Variants in RBFOX1 observed in about 807,000 individuals in gnomAD.
The protein encoded by RBFOX1 is RNA binding protein fox-1 homolog 1.
RBFOX1 carries 8 observed loss-of-function variants against 57.7 expected under a neutral mutation model. The observed-to-expected ratio is 0.14, with a 90% CI of 0.08 to 0.25. RBFOX1 has a LOEUF of 0.25. RBFOX1 is among the 10% of genes least tolerant of loss of function. RBFOX1 has a pLI of 1.00. For missense variants in RBFOX1, 611 were observed against 548.5 expected (o/e 1.11, Z -1.14); for synonymous variants, 326 against 222.4 (o/e 1.47, Z -4.15).
rs1411143068 is a variant in RBFOX1, at chr16:5,749,447, A to T, written c.319-117856A>T. 2.8e-3 allele frequency among the ~76,000 whole-genome samples: 425 copies of T among 152,276 alleles called. 1 individual carries two copies. The highest frequency in any genetic ancestry group is 1.0e-2 in the South Asian group (48 of 4,816). On this transcript the variant is annotated intron_variant, in intron 3 of 19. Coordinates refer to the RBFOX1 transcript ENST00000641259. ...GGTTGGGGAAGTTCTCCTGGATAAT[A>T]TCCTGCAGAGTGTTTTCCAACTTGG...
At chr16:7,628,498 C>G (rs1337053052) in intron 10 of RBFOX1, among the ~76,000 whole-genome samples, 1 of 152,130 alleles carries the variant, frequency 6.6e-6, no homozygotes, top group African/African-American at 2.4e-5. Flanking sequence ...GGTTTCATAT[C>G]CCAATCTCCA....
At chr16:5,436,401 C>T (rs2067919088) in intron 1 of RBFOX1, among the ~76,000 whole-genome samples, 1 of 152,218 alleles carries the variant, frequency 6.6e-6, no homozygotes, top group African/African-American at 2.4e-5. Context: ...GAGTGATTTA[C>T]ACTCATACAA....
At chr16:7,034,012 A>G (rs576319996) in intron 3 of RBFOX1, among the ~76,000 whole-genome samples, 11 of 152,310 alleles carry the variant, frequency 7.2e-5, no homozygotes, top group African/African-American at 2.6e-4. Flanking sequence ...TTCAATACTT[A>G]GTGAATACTT....
chr16:5,331,994 C>G (rs564060723), intron 1 of RBFOX1, among the ~76,000 whole-genome samples: 2 of 152,332 alleles, frequency 1.3e-5, no homozygotes, highest in East Asian at 1.9e-4. Flanking sequence ...GGACCTATTT[C>G]TAGCCTCTGA....
chr16:6,333,297 A>G (rs1296101605), intron 2 of RBFOX1, among the ~76,000 whole-genome samples: 1 of 152,172 alleles, frequency 6.6e-6, no homozygotes, highest in Non-Finnish European at 1.5e-5. Flanking sequence ...CACATGCCTC[A>G]GCACCCCAAA....
At chr16:7,022,422 A>T (rs1026078474) in intron 3 of RBFOX1, among the ~76,000 whole-genome samples, 1 of 151,982 alleles carries the variant, frequency 6.6e-6, no homozygotes, top group Non-Finnish European at 1.5e-5. Context: ...AACCCAGAGC[A>T]TATCTTCATG....
Position 6,562,053 on chromosome 16 carries a change from A to G in RBFOX1, c.-63-92550A>G, listed in dbSNP as rs1308306389. The stretch of plus-strand genomic sequence containing the variant: ...TAAGGCATGGAGTTTTCAGCGGGAT[A>G]TTACTCATTTCCATCATTACTGATG... On this transcript the variant is annotated intron_variant, in intron 2 of 15. Transcript: ENST00000550418. Among the ~76,000 whole-genome samples, 3 of 152,166 alleles carry G rather than the reference A, an allele frequency of 2.0e-5. No individual in the cohort carries two copies. In the South Asian group the frequency reaches 6.2e-4, roughly 32 times the overall value.
intron 4 of RBFOX1, among the ~76,000 whole-genome samples, chr16:5,954,012 C>G (rs2059573603): frequency 6.6e-6 from 1 of 152,154 alleles, no homozygotes; most frequent in African/African-American, 2.4e-5. Flanking sequence ...CTTGTCACCA[C>G]TGGGTGGCGA....
intron 4 of RBFOX1, among the ~76,000 whole-genome samples, chr16:5,969,873 C>A (rs566552519): frequency 6.6e-6 from 1 of 152,058 alleles, no homozygotes; most frequent in African/African-American, 2.4e-5. Context: ...CCAAGCAACT[C>A]TGACTGGTTA....
intron 2 of RBFOX1, among the ~76,000 whole-genome samples, chr16:6,406,076 T>C (rs757541852): frequency 7.2e-5 from 11 of 152,220 alleles, no homozygotes; most frequent in Admixed American, 1.3e-4. Context: ...TGGTGGATCT[T>C]ACAGGGCTCA....
At chr16:6,863,219 C>G (rs1162012943) in intron 3 of RBFOX1, among the ~76,000 whole-genome samples, 1 of 151,970 alleles carries the variant, frequency 6.6e-6, no homozygotes, top group African/African-American at 2.4e-5. Context: ...GGACATGGCA[C>G]AAAACATTCC....
chr16:7,193,048 T>C (rs1386592324), intron 4 of RBFOX1, among the ~76,000 whole-genome samples: 1 of 152,190 alleles, frequency 6.6e-6, no homozygotes, highest in African/African-American at 2.4e-5. Flanking sequence ...CTCTGGAACC[T>C]GTGAGCATGT....
intron 2 of RBFOX1, among the ~76,000 whole-genome samples, chr16:5,577,237 G>A (rs2151146642): frequency 6.6e-6 from 1 of 152,292 alleles, no homozygotes; most frequent in Middle Eastern, 3.4e-3. Context: ...AACGATCTAA[G>A]AACAAGCAGA....
intron 4 of RBFOX1, among the ~76,000 whole-genome samples, chr16:7,173,364 A>G (rs1444538766): frequency 6.6e-6 from 1 of 152,180 alleles, no homozygotes; most frequent in Non-Finnish European, 1.5e-5. Context: ...TCCAAACTCC[A>G]TTCACTGTCA....
At chr16:7,344,396 T>C (rs2096955131) in intron 4 of RBFOX1, among the ~76,000 whole-genome samples, 1 of 149,978 alleles carries the variant, frequency 6.7e-6, no homozygotes, top group Non-Finnish European at 1.5e-5. Flanking sequence ...TAAGATATAA[T>C]GCAATATATA....
intron 3 of RBFOX1, among the ~76,000 whole-genome samples, chr16:6,775,373 C>G (rs1467526406): frequency 7.6e-6 from 1 of 132,312 alleles, no homozygotes. Context: ...AGCCTACAAA[C>G]AGACACACCC....
At chr16:5,872,996 C>G (rs1185307640) in intron 4 of RBFOX1, among the ~76,000 whole-genome samples, 1 of 151,854 alleles carries the variant, frequency 6.6e-6, no homozygotes, top group African/African-American at 2.4e-5. Flanking sequence ...ATTAAAAATA[C>G]AAAAATTAGC....
chr16:6,589,101 T>C (rs2097673166), intron 2 of RBFOX1, among the ~76,000 whole-genome samples: 2 of 30,668 alleles, frequency 6.5e-5, no homozygotes, highest in Admixed American at 1.3e-3. Flanking sequence ...CCATCTATAT[T>C]ACAAAAAAAC....
chr16:6,333,679 G>A (rs931355297), intron 2 of RBFOX1, among the ~76,000 whole-genome samples: 3 of 152,118 alleles, frequency 2.0e-5, no homozygotes, highest in African/African-American at 7.2e-5. Context: ...ATGGACTTAA[G>A]TTTAGAATAG....
Sources: gnomAD v4.1 joint callset for allele counts (sites outside exome capture counted in the v4.1 genomes callset) on GRCh38, gnomAD v4.1.1 for gene constraint, MANE v1.5 for transcripts, NCBI Gene and HGNC (gene_info 2026-07-23, HGNC 2026-07-21) for gene names.